The following CLK4 variants were observed in gnomAD, a reference collection of about 807,000 sequenced individuals.
CLK4 encodes dual specificity protein kinase CLK4.
A neutral mutation model predicts 64.4 loss-of-function variants in CLK4; 37 were observed. The observed-to-expected ratio is 0.57, with a 90% confidence interval of 0.44 to 0.76. CLK4 has a LOEUF of 0.76. CLK4 is among the 30% of genes least tolerant of loss of function. The pLI is 0.00. For missense variants in CLK4, 457 were observed against 605.1 expected (o/e 0.76, Z 2.57); for synonymous variants, 175 against 191.6 (o/e 0.91, Z 0.72).
chr5:178,606,818 G>A (rs184525924), intron 10 of CLK4, among the ~76,000 whole-genome samples: 119 of 152,108 alleles, frequency 7.8e-4, no homozygotes, highest in African/African-American at 2.7e-3. Context: ...AAATTAGTGG[G>A]GTGTAGTGGC....
Position 178,603,752 on chromosome 5 carries a change from A to G in CLK4, c.1311T>C (p.Phe437=). Residue 437 remains phenylalanine (F), a synonymous_variant, in exon 13 of 13, where the codon TTT becomes TTC. Coordinates refer to ENST00000316308, the MANE Select transcript of CLK4 (RefSeq NM_020666.3). The stretch of plus-strand genomic sequence containing the variant: ...CATGTTCTTCATCATGACAAAGCAT[A>G]AATTCCTGGGGGAGAAATGTTTTTG... ...VRRRCKPLKE[F]MLCHDEEHEK... The G allele has an allele frequency of 6.3e-7, 1 of 1,586,712 alleles. No homozygotes were observed. The highest frequency in any genetic ancestry group is 8.5e-7 in the Non-Finnish European group (1 of 1,171,416).
intron 10 of CLK4, among the ~76,000 whole-genome samples, chr5:178,607,589 C>G (rs1764486395): frequency 7.1e-6 from 1 of 140,868 alleles, no homozygotes; most frequent in Non-Finnish European, 1.5e-5. Flanking sequence ...TCGCTCACTG[C>G]AAGCTCCGCC....
rs1764575787 is a variant in CLK4, at chr5:178,612,821, T to C, written c.896A>G (p.Tyr299Cys). 3.2e-6 allele frequency: 5 copies of C among 1,568,798 alleles called. No homozygotes were observed. The highest frequency in any genetic ancestry group is 1.7e-5 in the Admixed American group (1 of 58,762). ...PENILFVKSD[Y>C]VVKYNSKMKR... Reference sequence around the variant, plus strand: ...CATTTTAGAATTATATTTGACTACATAGTCAGACTTCACAAACAAAATATT... The same window carrying C: ...CATTTTAGAATTATATTTGACTACACAGTCAGACTTCACAAACAAAATATT... The change falls in exon 8 of 13, where the codon TAT (tyrosine) becomes TGT (cysteine). Residue 299 changes from tyrosine (Y) to cysteine (C), a missense_variant. Tyr to Cys is a radical substitution (Grantham distance 194). Transcript: ENST00000316308.
chr5:178,605,026 GGGCTGA>G, intron 11 of CLK4: 1 of 183,096 alleles, frequency 5.5e-6, no homozygotes, highest in Non-Finnish European at 1.1e-5. Context: ...GCGACTCAGG[GGGCTGA>G]GGCAGAAGAA....
chr5:178,617,555 G>A lies in CLK4; in HGVS notation c.385-121C>T, dbSNP rs1213620076. 16 of 1,025,572 alleles carry A rather than the reference G, an allele frequency of 1.6e-5. No individual in the cohort carries two copies. Among genetic ancestry groups the A allele is most frequent in the Non-Finnish European group, 6.8e-6 (5 of 735,916 alleles). The allele number at this position is 1,025,572 out of a possible 1,614,324, so 63.5% of individuals were successfully genotyped here. A position where few individuals can be genotyped will look rare whatever the true frequency, so the allele number is the denominator to read the frequency against. On this transcript the variant is annotated intron_variant, in intron 3 of 12. Coordinates refer to ENST00000316308, the MANE Select transcript of CLK4 (RefSeq NM_020666.3). The surrounding 1 kb of genome is among the most constrained non-coding windows in gnomAD (Gnocchi z 5.2). Reference sequence around the variant, plus strand: ...ATTCAGGCATTCAGATAAGCACCAGGCCACGAACAGTTGGCAGGAGCAATT... The same window carrying A: ...ATTCAGGCATTCAGATAAGCACCAGACCACGAACAGTTGGCAGGAGCAATT...
intron 5 of CLK4, among the ~76,000 whole-genome samples, chr5:178,615,324 CA>C (rs1764612927): frequency 6.6e-6 from 1 of 151,978 alleles, no homozygotes. Context: ...AATTTGAAAA[CA>C]AATGTATGTA....
intron 9 of CLK4, among the ~76,000 whole-genome samples, chr5:178,609,201 T>G (rs1208011214): frequency 6.6e-6 from 1 of 152,222 alleles, no homozygotes; most frequent in East Asian, 1.9e-4. Flanking sequence ...GATATTTTAA[T>G]ATTTCAAAGA....
At position 178,605,313 on chromosome 5, in the gene CLK4, G is replaced by C. The variant is rs755792349; in HGVS notation, c.1204C>G (p.Gln402Glu). The change falls in exon 11 of 13, where the codon CAG (glutamine) becomes GAG (glutamate). Residue 402 changes from glutamine to glutamate, a missense_variant. Coordinates refer to ENST00000316308, the MANE Select transcript of CLK4 (RefSeq NM_020666.3). ...ILGPIPQHMI[Q>E]KTRKRKYFHH... ...AATCTTAAAACATACCTTGTTTTCT[G>C]AATCATGTGTTGTGGTATGGGTCCT... 109 of 1,573,848 alleles carry C rather than the reference G, an allele frequency of 6.9e-5. No homozygotes were observed. The highest frequency in any genetic ancestry group is 1.7e-4 in the Middle Eastern group (1 of 5,918).
At chr5:178,604,206 T>C in intron 11 of CLK4, 1 of 228,374 alleles carries the variant, frequency 4.4e-6, no homozygotes, top group South Asian at 1.4e-4. Flanking sequence ...GATCCAGTCC[T>C]AAAATTCTGT....
At chr5:178,612,993 C>T (rs1367302081) in intron 7 of CLK4, 103 bp from the exon 8 acceptor site, 3 of 537,392 alleles carry the variant, frequency 5.6e-6, no homozygotes, top group Non-Finnish European at 6.8e-6. Flanking sequence ...AGAGACGATT[C>T]ATCTTTACTT....
chr5:178,619,774 C>G (rs1411718792), intron 2 of CLK4: 1 of 1,286,610 alleles, frequency 7.8e-7, no homozygotes, highest in African/African-American at 1.5e-5. Context: ...GTTAAGTGGC[C>G]TTGATCTGAT....
At chr5:178,625,806 G>C (rs1764771079) in intron 1 of CLK4, among the ~76,000 whole-genome samples, 1 of 152,134 alleles carries the variant, frequency 6.6e-6, no homozygotes, top group South Asian at 2.1e-4. Context: ...ATGTAATTCA[G>C]CTGTTAGTCC....
chr5:178,618,511 A>C (rs1162187845), intron 3 of CLK4, 45 bp downstream of exon 3: 1 of 1,335,390 alleles, frequency 7.5e-7, no homozygotes, highest in Non-Finnish European at 1.1e-6. Context: ...TTAAGAGTAC[A>C]CACAAATAAA....
At chr5:178,616,672 T>A (rs945363447) in intron 5 of CLK4, among the ~76,000 whole-genome samples, 1 of 152,130 alleles carries the variant, frequency 6.6e-6, no homozygotes, top group Admixed American at 6.6e-5. Flanking sequence ...GGCAGGCTCC[T>A]GTAATCCCAG....
intron 11 of CLK4, 160 bp from the exon 12 acceptor site, chr5:178,604,094 A>G (rs1309358823): frequency 1.9e-6 from 1 of 513,746 alleles, no homozygotes; most frequent in African/African-American, 2.0e-5. Context: ...ACAATTATAT[A>G]TCGGACACCT....
intron 10 of CLK4, among the ~76,000 whole-genome samples, chr5:178,607,124 A>C: frequency 7.2e-6 from 1 of 138,810 alleles, no homozygotes. Context: ...AAGAGACATT[A>C]AAAAAAAAAA....
Position 178,612,484 on chromosome 5 carries a change from G to A in CLK4, c.983C>T (p.Thr328Met), listed in dbSNP as rs745613343. The change falls in exon 9 of 13, where the codon ACG (threonine) becomes ATG (methionine). Residue 328 changes from threonine to methionine, a missense_variant. Transcript: ENST00000316308. ...AGTACTGTGATGTTCATCATCATAC[G>A]TTGCACTTCCAAAGTCAACAACTTT... ...DIKVVDFGSA[T>M]YDDEHHSTLV... is the part of the protein sequence containing the mutation. 7.4e-6 allele frequency: 12 copies of A among 1,613,920 alleles called. No individual in the cohort carries two copies. The highest frequency in any genetic ancestry group is 6.7e-5 in the Admixed American group (4 of 60,004).
At chr5:178,605,428 C>T (rs1764453594) in intron 10 of CLK4, 46 bp from the exon 11 acceptor site, 2 of 1,112,668 alleles carry the variant, frequency 1.8e-6, no homozygotes, top group Non-Finnish European at 2.6e-6. Context: ...CATTTCCCTA[C>T]AAACACATTA....
At chr5:178,625,656 T>C (rs1183505540) in intron 1 of CLK4, among the ~76,000 whole-genome samples, 1 of 152,198 alleles carries the variant, frequency 6.6e-6, no homozygotes, top group Non-Finnish European at 1.5e-5. Flanking sequence ...TGTTTTTTCC[T>C]CTTCTACTGT....
Sources: gnomAD v4.1 joint callset for allele counts (sites outside exome capture counted in the v4.1 genomes callset) on GRCh38, gnomAD v4.1.1 for gene constraint, Gnocchi (gnomAD v3.1) non-coding constraint, MANE v1.5 for transcripts, NCBI Gene and HGNC (gene_info 2026-07-23, HGNC 2026-07-21) for gene names.